Variants in GABRG3 observed in about 807,000 individuals in gnomAD.
The protein encoded by GABRG3 is gamma-aminobutyric acid type A receptor subunit gamma3.
A neutral mutation model predicts 48.8 loss-of-function variants in GABRG3; 25 were observed. That is an observed-to-expected ratio of 0.51 (90% CI 0.37 to 0.72). The LOEUF (loss-of-function observed/expected upper bound fraction) is 0.72. Ranked by LOEUF, GABRG3 falls within the 30% of genes least tolerant of loss-of-function variation. The pLI, the probability that GABRG3 is intolerant of heterozygous loss-of-function variation, is 0.00. For synonymous variants in GABRG3, 227 were observed against 217.6 expected (o/e 1.04, Z -0.38); for missense variants, 394 against 577.9 (o/e 0.68, Z 3.26).
intron 3 of GABRG3, among the ~76,000 whole-genome samples, chr15:27,296,578 T>C (rs1366984504): frequency 6.6e-6 from 1 of 152,196 alleles, no homozygotes; most frequent in Non-Finnish European, 1.5e-5. Flanking sequence ...GGACCACATA[T>C]GTGACGGTGG....
intron 7 of GABRG3, among the ~76,000 whole-genome samples, chr15:27,520,828 G>C (rs1452525833): frequency 6.6e-6 from 1 of 150,970 alleles, no homozygotes; most frequent in Non-Finnish European, 1.5e-5. Context: ...AGAGGAAGCT[G>C]TCTCAATTTC....
chr15:27,225,309 A>C (rs964672360), intron 3 of GABRG3, among the ~76,000 whole-genome samples: 1 of 152,070 alleles, frequency 6.6e-6, no homozygotes, highest in Non-Finnish European at 1.5e-5. Context: ...ACCGCCCTGC[A>C]GGTAGCAGAA....
intron 5 of GABRG3, among the ~76,000 whole-genome samples, chr15:27,338,188 C>G (rs183426250): frequency 6.6e-6 from 1 of 152,242 alleles, no homozygotes; most frequent in East Asian, 1.9e-4. Flanking sequence ...AAAATAAGCC[C>G]TGTCCGCCTC....
At chr15:27,125,270 A>T (rs751582861) in intron 3 of GABRG3, among the ~76,000 whole-genome samples, 4 of 152,140 alleles carry the variant, frequency 2.6e-5, no homozygotes, top group Non-Finnish European at 2.9e-5. Context: ...GCATGGTCTC[A>T]CTTATATGTG....
At chr15:27,007,079 T>C in intron 2 of GABRG3, among the ~76,000 whole-genome samples, 1 of 143,352 alleles carries the variant, frequency 7.0e-6, no homozygotes, top group East Asian at 2.0e-4. Flanking sequence ...TGCATGTGTC[T>C]TTTTTTTTTT....
At chr15:26,991,369 T>G (rs1895244963) in intron 2 of GABRG3, among the ~76,000 whole-genome samples, 3 of 152,204 alleles carry the variant, frequency 2.0e-5, no homozygotes, top group Admixed American at 2.0e-4. Context: ...GTTCAATTTT[T>G]TTTTTTCCCC....
rs1328922579 is a variant in GABRG3 at position 27,179,695 on chromosome 15, T to C, written c.271-147114T>C. Among the ~76,000 whole-genome samples the C allele has an allele frequency of 6.6e-6, 1 of 152,186 alleles. No individual in the cohort carries two copies. The highest frequency in any genetic ancestry group is 2.4e-5 in the African/African-American group (1 of 41,446). Reference sequence around the variant, plus strand: ...CATCTTGTATCTTCAGAAGTTTTGTTTGATTCTCTATTTGTTGCCATCTGT... The same window carrying C: ...CATCTTGTATCTTCAGAAGTTTTGTCTGATTCTCTATTTGTTGCCATCTGT... On this transcript the variant is annotated intron_variant, in intron 3 of 9. Coordinates refer to ENST00000615808, the MANE Select transcript of GABRG3 (RefSeq NM_033223.5). This position sits in a 1 kb window ranked among gnomAD's most constrained non-coding sequence, Gnocchi z 4.0.
At chr15:27,259,094 G>A (rs1441832266) in intron 3 of GABRG3, among the ~76,000 whole-genome samples, 1 of 152,156 alleles carries the variant, frequency 6.6e-6, no homozygotes, top group Non-Finnish European at 1.5e-5. Context: ...TTTTATGGCT[G>A]AATGGTATTC....
chr15:27,268,239 C>CT (rs1890980665), intron 3 of GABRG3, among the ~76,000 whole-genome samples: 1 of 152,154 alleles, frequency 6.6e-6, no homozygotes, highest in Admixed American at 6.5e-5. Flanking sequence ...CTCAGATTAT[C>CT]TATTTCTTCA....
intron 5 of GABRG3, among the ~76,000 whole-genome samples, chr15:27,465,361 G>A (rs56137632): frequency 3.3e-5 from 5 of 151,760 alleles, no homozygotes; most frequent in East Asian, 1.9e-4. Context: ...AGGTCTCTGC[G>A]TGACTAACCC....
chr15:27,430,989 CAATAAATAAATAAATAAATA>C (rs61461156), intron 5 of GABRG3, among the ~76,000 whole-genome samples: 24 of 141,216 alleles, frequency 1.7e-4, no homozygotes, highest in African/African-American at 4.0e-4. Context: ...GTCCCTGTCT[CAATAAATAAATAAATAAATA>C]AATAAATAAA....
intron 3 of GABRG3, among the ~76,000 whole-genome samples, chr15:27,300,630 C>G (rs1024735465): frequency 2.1e-5 from 3 of 144,718 alleles, no homozygotes; most frequent in African/African-American, 7.8e-5. Context: ...GCATTCCAGC[C>G]TGGGCAACAA....
At chr15:27,058,929 G>T (rs1896599371) in intron 3 of GABRG3, among the ~76,000 whole-genome samples, 1 of 152,112 alleles carries the variant, frequency 6.6e-6, no homozygotes, top group African/African-American at 2.4e-5. Flanking sequence ...AACCATTAAT[G>T]AACCCTATAC....
At chr15:27,185,182 CT>C (rs1218872396) in intron 3 of GABRG3, among the ~76,000 whole-genome samples, 3 of 152,050 alleles carry the variant, frequency 2.0e-5, no homozygotes, top group Non-Finnish European at 4.4e-5. Context: ...GTGAATTTCT[CT>C]CTCAACAATG....
At chr15:26,978,932 C>T (rs1377132551) in intron 2 of GABRG3, among the ~76,000 whole-genome samples, 1 of 151,776 alleles carries the variant, frequency 6.6e-6, no homozygotes, top group Non-Finnish European at 1.5e-5. Context: ...GAACTGGCAT[C>T]TCTACTATGT....
intron 5 of GABRG3, chr15:27,364,961 A>C (rs1281697162): frequency 7.2e-6 from 1 of 138,636 alleles, no homozygotes; most frequent in East Asian, 2.0e-4. Flanking sequence ...AGGACAAAGA[A>C]TTTTTGTAGA....
chr15:27,325,162 A>G (rs529271827), intron 3 of GABRG3, among the ~76,000 whole-genome samples: 2 of 152,304 alleles, frequency 1.3e-5, no homozygotes, highest in Non-Finnish European at 2.9e-5. Context: ...AGCACATGCT[A>G]GGTTATATGA....
intron 3 of GABRG3, among the ~76,000 whole-genome samples, chr15:27,194,041 A>C (rs1340930761): frequency 6.6e-6 from 1 of 152,122 alleles, no homozygotes; most frequent in African/African-American, 2.4e-5. Flanking sequence ...TTTAATCTTA[A>C]CTTATTTATA....
chr15:27,031,308 G>T (rs1227532494), intron 3 of GABRG3, among the ~76,000 whole-genome samples: 1 of 152,088 alleles, frequency 6.6e-6, no homozygotes. Context: ...TAAATCCTCT[G>T]TGCTCCACCT....
Sources: gnomAD v4.1 joint callset for allele counts (sites outside exome capture counted in the v4.1 genomes callset) on GRCh38, gnomAD v4.1.1 for gene constraint, Gnocchi (gnomAD v3.1) non-coding constraint, MANE v1.5 for transcripts, NCBI Gene and HGNC (gene_info 2026-07-23, HGNC 2026-07-21) for gene names.